The following AFF2 variants were observed in gnomAD, a reference collection of about 807,000 sequenced individuals.
AFF2 encodes ALF transcription elongation factor 2, also known as AF4/FMR2 family member 2.
AFF2 carries 14 observed loss-of-function variants against 76.9 expected under a neutral mutation model. That is an observed-to-expected ratio of 0.18 (90% CI 0.12 to 0.28). The LOEUF is 0.28. AFF2 is among the 10% of genes least tolerant of loss of function. The pLI, the probability that AFF2 is intolerant of heterozygous loss-of-function variation, is 1.00. For missense variants in AFF2, 868 were observed against 1,001.1 expected (o/e 0.87, Z 1.79); for synonymous variants, 398 against 366.7 (o/e 1.09, Z -0.98).
At chrX:148,598,798 C>G (rs1366671822) in intron 1 of AFF2, among the ~76,000 whole-genome samples, 1 of 112,386 alleles carries the variant, frequency 8.9e-6, no homozygotes, top group Non-Finnish European at 1.9e-5. Context: ...TTCTTGTTAA[C>G]TATAAAGAGA....
intron 1 of AFF2, among the ~76,000 whole-genome samples, chrX:148,631,275 T>C (rs953902386): frequency 8.9e-6 from 1 of 112,079 alleles, no homozygotes; most frequent in Non-Finnish European, 1.9e-5. Flanking sequence ...ATAAACGATT[T>C]ACAATTACAT....
At chrX:148,924,792 C>G (rs782215099) in intron 9 of AFF2, among the ~76,000 whole-genome samples, 2 of 111,972 alleles carry the variant, frequency 1.8e-5, no homozygotes, top group South Asian at 7.5e-4. Context: ...CTTCTAGTTT[C>G]AACAACCTTT....
At chrX:148,614,733 CCTTCT>C (rs1390700549) in intron 1 of AFF2, among the ~76,000 whole-genome samples, 744 of 49,005 alleles carry the variant, frequency 0.015, 9 homozygotes, top group Non-Finnish European at 0.017. Flanking sequence ...TTCTTTCTTT[CCTTCT>C]TTTCTTTCTT....
intron 1 of AFF2, among the ~76,000 whole-genome samples, chrX:148,613,491 G>A (rs187455757): frequency 1.1e-4 from 12 of 111,661 alleles, no homozygotes; most frequent in African/African-American, 3.9e-4. Flanking sequence ...GAAATACCCA[G>A]GATACAGTGG....
chrX:148,738,543 A>G (rs1211792328), intron 3 of AFF2, among the ~76,000 whole-genome samples: 1 of 111,231 alleles, frequency 9.0e-6, no homozygotes, highest in Non-Finnish European at 1.9e-5. Context: ...TGGTCTATCA[A>G]GTTTATTTAT....
chrX:148,918,502 G>A (rs1457736817), intron 9 of AFF2, among the ~76,000 whole-genome samples: 1 of 111,783 alleles, frequency 8.9e-6, no homozygotes. Flanking sequence ...TATCGAACAG[G>A]CATTTCCTGT....
chrX:148,813,046 T>A (rs1317936771), intron 4 of AFF2, among the ~76,000 whole-genome samples: 1 of 112,528 alleles, frequency 8.9e-6, no homozygotes, highest in Non-Finnish European at 1.9e-5. Flanking sequence ...ACCTGATGTG[T>A]CAACCTTATT....
At chrX:148,706,877 A>G (rs1382522890) in intron 3 of AFF2, among the ~76,000 whole-genome samples, 1 of 112,457 alleles carries the variant, frequency 8.9e-6, no homozygotes, top group Non-Finnish European at 1.9e-5. Flanking sequence ...TTTAGGATAG[A>G]TATCATTCTT....
chrX:148,874,080 G>A (rs1216402989), intron 7 of AFF2, among the ~76,000 whole-genome samples: 2 of 111,121 alleles, frequency 1.8e-5, no homozygotes, highest in African/African-American at 6.5e-5. Context: ...CCAAGTTCTG[G>A]GGCAAGTACT....
chrX:148,524,121 CTCTG>C (rs1466053353), intron 1 of AFF2, among the ~76,000 whole-genome samples: 64 of 80,413 alleles, frequency 8.0e-4, no homozygotes, highest in African/African-American at 2.5e-3. Context: ...CTCTCTCTCT[CTCTG>C]TGTGTGTGTG....
At chrX:148,691,502 TAAG>T (rs1334620852) in intron 3 of AFF2, among the ~76,000 whole-genome samples, 4 of 111,629 alleles carry the variant, frequency 3.6e-5, no homozygotes, top group Non-Finnish European at 7.5e-5. Flanking sequence ...AGGGAGTCAC[TAAG>T]AAGAACTAAT....
At chrX:148,825,497 C>G (rs1421458572) in intron 4 of AFF2, among the ~76,000 whole-genome samples, 2 of 110,955 alleles carry the variant, frequency 1.8e-5, no homozygotes, top group Non-Finnish European at 3.8e-5. Context: ...CCTTCACAGA[C>G]TCTCTATCTG....
At chrX:148,751,488 T>C (rs2055498320) in intron 3 of AFF2, among the ~76,000 whole-genome samples, 1 of 112,320 alleles carries the variant, frequency 8.9e-6, no homozygotes, top group South Asian at 3.7e-4. Context: ...CACAATCTTA[T>C]GATGCCCTAC....
At chrX:148,818,240 T>C (rs907131651) in intron 4 of AFF2, among the ~76,000 whole-genome samples, 19 of 112,232 alleles carry the variant, frequency 1.7e-4, no homozygotes, top group African/African-American at 5.8e-4. Context: ...TTATGAATAA[T>C]ACACAAATTC....
intron 9 of AFF2, among the ~76,000 whole-genome samples, chrX:148,942,817 GAAAAAA>G (rs574314521): frequency 1.2e-5 from 1 of 86,707 alleles, no homozygotes; most frequent in Non-Finnish European, 2.2e-5. Context: ...CTCCATCTCA[GAAAAAA>G]AAAAAAAAAA....
chrX:148,990,441 A>T lies in AFF2; in HGVS notation c.3815-770A>T, dbSNP rs140857301. On this transcript the variant is annotated intron_variant, in intron 20 of 20. Transcript: ENST00000370460. ...GCCAGGCAAATGAATTCGTACATGA[A>T]AAGGGAACACCTAGCTAGTTTTTAG... Among the ~76,000 whole-genome samples the T allele has an allele frequency of 2.7e-5, 3 of 112,551 alleles. No individual in the cohort carries two copies. In the East Asian group the frequency reaches 8.4e-4, roughly 31 times the overall value.
chrX:148,515,633 G>A (rs1192287050), intron 1 of AFF2, among the ~76,000 whole-genome samples: 1 of 111,969 alleles, frequency 8.9e-6, no homozygotes, highest in Non-Finnish European at 1.9e-5. Context: ...GATATAAAAA[G>A]AAATGTGATC....
At chrX:148,528,799 T>C (rs1340390246) in intron 1 of AFF2, among the ~76,000 whole-genome samples, 1 of 111,970 alleles carries the variant, frequency 8.9e-6, no homozygotes, top group East Asian at 2.8e-4. Context: ...TTATTTTCAT[T>C]CAGAAAATTA....
intron 1 of AFF2, among the ~76,000 whole-genome samples, chrX:148,548,581 T>C (rs1279370834): frequency 1.8e-5 from 2 of 111,569 alleles, no homozygotes; most frequent in East Asian, 2.8e-4. Context: ...ATTACAGGCA[T>C]GTGCCACCAC....
Sources: gnomAD v4.1 joint callset for allele counts (sites outside exome capture counted in the v4.1 genomes callset) on GRCh38, gnomAD v4.1.1 for gene constraint, MANE v1.5 for transcripts, NCBI Gene and HGNC (gene_info 2026-07-23, HGNC 2026-07-21) for gene names.